Variants in NAGK observed in about 807,000 individuals in gnomAD.
NAGK encodes the protein N-acetyl-D-glucosamine kinase.
In NAGK, 35 loss-of-function variants were observed where a neutral mutation model predicts 42.9. The ratio of observed to expected loss-of-function variants is 0.82; its 90% CI spans 0.62 to 1.08. The LOEUF (loss-of-function observed/expected upper bound fraction) is 1.08. Ranked by LOEUF, NAGK falls within the 50% of genes least tolerant of loss-of-function variation. The pLI, the probability that NAGK is intolerant of heterozygous loss-of-function variation, is 0.00. For missense variants in NAGK, 446 were observed against 446.0 expected, an observed-to-expected ratio of 1.00 and a Z score of 0.00; for synonymous variants, 172 against 176.0, an observed-to-expected ratio of 0.98 and a Z score of 0.18.
Position 71,078,574 on chromosome 2 carries a change from T to C in NAGK, c.*66T>C. On this transcript the variant is annotated 3_prime_UTR_variant, in exon 10 of 10. Transcript: ENST00000244204. ...ACTGGGTCTGAAAGGAAGGAGTCTT[T>C]TGCTTCCTTTCTCCTTTTTACAAAA... The C allele has an allele frequency of 7.0e-7, 1 of 1,425,494 alleles. No homozygotes were observed. The highest frequency in any genetic ancestry group is 1.5e-5 in the South Asian group (1 of 67,524). The allele number at this position is 1,425,494 out of a possible 1,614,324, so 88.3% of individuals were successfully genotyped here. A position where few individuals can be genotyped will look rare whatever the true frequency, so the allele number is the denominator to read the frequency against.
chr2:71,078,477 C>G lies in NAGK; in HGVS notation c.1004C>G (p.Ala335Gly). 3 of 1,592,178 alleles carry G rather than the reference C, an allele frequency of 1.9e-6. No individual in the cohort carries two copies. The highest frequency in any genetic ancestry group is 2.6e-6 in the Non-Finnish European group (3 of 1,168,272). The stretch of plus-strand genomic sequence containing the variant: ...CTCCCCATGGACTATAGCGCCAATG[C>G]CATTGCCTTCTATTCCTACACCTTT... The part of the protein sequence containing the change: ...HLLPMDYSAN[A>G]IAFYSYTFS Residue 335 changes from alanine (A) to glycine (G), a missense_variant, in exon 10 of 10, where the codon GCC becomes GGC. Coordinates refer to ENST00000244204, the MANE Select transcript of NAGK (RefSeq NM_017567.6).
intron 5 of NAGK, 158 bp from the exon 6 acceptor site, chr2:71,073,324 A>ACCCCCCC: frequency 1.9e-4 from 36 of 188,322 alleles, no homozygotes; most frequent in South Asian, 4.8e-4. Context: ...AGACCCTCCC[A>ACCCCCCC]CCCCCCTCTC....
chr2:71,076,813 T>C (rs748101159), intron 8 of NAGK, 112 bp downstream of exon 8: 200 of 914,914 alleles, frequency 2.2e-4, no homozygotes, highest in Non-Finnish European at 2.9e-4. Context: ...CTATTTTAAA[T>C]GAACTTAGGG....
chr2:71,072,316 T>C (rs1419357490), intron 4 of NAGK: 7 of 340,204 alleles, frequency 2.1e-5, no homozygotes, highest in Non-Finnish European at 3.9e-5. Flanking sequence ...TGAATATCAC[T>C]GTGAGAACGG....
At chr2:71,068,467 C>T, upstream of NAGK, 1 of 1,391,542 alleles carries the variant, frequency 7.2e-7, no homozygotes, top group African/African-American at 1.5e-5. Context: ...GCAGTCGCTC[C>T]ACCTGGAGGA....
intron 1 of NAGK, chr2:71,069,221 C>A (rs529105442): frequency 2.1e-6 from 1 of 471,868 alleles, no homozygotes; most frequent in Non-Finnish European, 2.8e-6. Context: ...GCCTTCCATG[C>A]TGCTTTCACT....
chr2:71,075,438 A>G (rs1672170647), intron 6 of NAGK, 117 bp from the exon 7 acceptor site: 1 of 695,992 alleles, frequency 1.4e-6, no homozygotes. Context: ...CTTTGGAGTT[A>G]AAAAAAATTA....
chr2:71,076,800 A>T (rs1047251770), intron 8 of NAGK, 99 bp downstream of exon 8: 3 of 999,296 alleles, frequency 3.0e-6, no homozygotes, highest in Admixed American at 4.9e-5. Context: ...CATAGATTGG[A>T]TACTATTTTA....
At chr2:71,068,463 G>A, upstream of NAGK, 2 of 1,387,848 alleles carry the variant, frequency 1.4e-6, no homozygotes, top group South Asian at 3.2e-5. Flanking sequence ...GACCGCAGTC[G>A]CTCCACCTGG....
At chr2:71,070,473 A>G in intron 1 of NAGK, 29 bp from the exon 2 acceptor site, 3 of 1,595,540 alleles carry the variant, frequency 1.9e-6, no homozygotes, top group Non-Finnish European at 2.6e-6. Flanking sequence ...TTTTCCGAGC[A>G]AGATCAAGTG....
At chr2:71,076,760 C>A in intron 8 of NAGK, 59 bp downstream of exon 8, 1 of 1,387,460 alleles carries the variant, frequency 7.2e-7, no homozygotes, top group Non-Finnish European at 1.0e-6. Flanking sequence ...TCCTTTCCCA[C>A]TGTGGATGGG....
At chr2:71,070,664 G>T in intron 2 of NAGK, 77 bp from the exon 3 acceptor site, 2 of 1,603,816 alleles carry the variant, frequency 1.2e-6, no homozygotes, top group South Asian at 2.2e-5. Flanking sequence ...TGGTGGCTGG[G>T]ACTCACAGAG....
chr2:71,069,248 C>T, intron 1 of NAGK: 2 of 322,358 alleles, frequency 6.2e-6, no homozygotes, highest in Non-Finnish European at 8.9e-6. Flanking sequence ...CATTTTTCTG[C>T]TCAGAAGCTT....
chr2:71,078,283 T>C, intron 9 of NAGK, 35 bp from the exon 10 acceptor site: 1 of 1,603,380 alleles, frequency 6.2e-7, no homozygotes, highest in South Asian at 1.1e-5. Flanking sequence ...GTTGCTGTTC[T>C]CCTCTTATCT....
chr2:71,071,590 G>A, intron 3 of NAGK, 96 bp from the exon 4 acceptor site: 5 of 1,463,876 alleles, frequency 3.4e-6, no homozygotes, highest in Non-Finnish European at 4.6e-6. Context: ...ATGGCCAGAT[G>A]GGGAGAACAG....
In NAGK at chr2:71,079,733, G is replaced by A. The variant is rs552490337; in HGVS notation, c.*1225G>A. On this transcript the variant is annotated 3_prime_UTR_variant, in exon 10 of 10. Transcript: ENST00000244204. The stretch of plus-strand genomic sequence containing the variant: ...GGAGGTGGAGCTTGCAGTGAGCCGA[G>A]GTCGCACCACTGCACTCCAGCCTGG... The A allele has an allele frequency of 1.3e-5, 2 of 152,186 alleles. No individual in the cohort carries two copies. Among genetic ancestry groups the A allele is most frequent in the South Asian group, 2.1e-4 (1 of 4,824 alleles). 9.4% of individuals were successfully genotyped at this position (152,186 alleles called of 1,614,324 possible).
rs750343317 is a variant in NAGK at position 71,071,753 on chromosome 2, G to A, written c.281G>A (p.Arg94Gln). The change falls in exon 4 of 10, where the codon CGA becomes CAA. Residue 94 changes from arginine (R) to glutamine (Q), a missense_variant. Arg to Gln is a conservative substitution (Grantham distance 43, BLOSUM62 1). Transcript: ENST00000244204. Reference protein sequence around the residue: ...GRILIEELRDRFPYLSESYLI... With the variant: ...GRILIEELRDQFPYLSESYLI... ...ATCCTGATCGAGGAGCTGAGGGACC[G>A]ATTTCCCTACCTGAGTGAAAGCTAC... 16 of 1,614,162 alleles carry A rather than the reference G, an allele frequency of 9.9e-6. No individual in the cohort carries two copies. Among genetic ancestry groups the A allele is most frequent in the East Asian group, 6.7e-5 (3 of 44,886 alleles).
intron 5 of NAGK, 145 bp downstream of exon 5, chr2:71,072,896 A>G (rs1479564895): frequency 1.3e-6 from 1 of 743,002 alleles, no homozygotes; most frequent in African/African-American, 1.7e-5. Flanking sequence ...GTGCAGGATC[A>G]TGACTGAGAT....
At position 71,079,244 on chromosome 2, in the gene NAGK, C is replaced by T. The variant is rs893949274; in HGVS notation, c.*736C>T. 1.3e-5 allele frequency: 2 copies of T among 152,224 alleles called. No individual in the cohort carries two copies. Among genetic ancestry groups the T allele is most frequent in the African/African-American group, 2.4e-5 (1 of 41,440 alleles). The allele number at this position is 152,224 out of a possible 1,614,324, so 9.4% of individuals were successfully genotyped here. Reference sequence around the variant, plus strand: ...AGCGTGACACTATGTGTTGTGTGTTCCTGGGAATGAGGAGCATCAGTGAAG... The same window carrying T: ...AGCGTGACACTATGTGTTGTGTGTTTCTGGGAATGAGGAGCATCAGTGAAG... On this transcript the variant is annotated 3_prime_UTR_variant, in exon 10 of 10. Coordinates refer to ENST00000244204, the MANE Select transcript of NAGK (RefSeq NM_017567.6).
Sources: allele counts gnomAD v4.1 joint callset, GRCh38; gene constraint gnomAD v4.1.1; transcripts MANE v1.5; gene names NCBI Gene and HGNC (gene_info 2026-07-23, HGNC 2026-07-21).